NEDD4: variants seen among roughly 807,000 people sequenced by gnomAD.
NEDD4 encodes the protein NEDD4 E3 ubiquitin protein ligase, also known as E3 ubiquitin-protein ligase NEDD4.
In NEDD4, 99 loss-of-function variants were observed where a neutral mutation model predicts 144.9. The ratio of observed to expected loss-of-function variants is 0.68; its 90% confidence interval spans 0.58 to 0.81. The LOEUF is 0.81. NEDD4 is among the 30% of genes least tolerant of loss of function. The pLI, the probability that NEDD4 is intolerant of heterozygous loss-of-function variation, is 0.00. For synonymous variants in NEDD4, 318 were observed against 350.6 expected, an observed-to-expected ratio of 0.91 and a Z score of 1.04; for missense variants, 985 against 1,065.9, an observed-to-expected ratio of 0.92 and a Z score of 1.06.
chr15:55,904,588 C>G (rs1246084227), intron 5 of NEDD4, among the ~76,000 whole-genome samples: 1 of 152,136 alleles, frequency 6.6e-6, no homozygotes, highest in Admixed American at 6.5e-5. Flanking sequence ...CAGGTGTGAG[C>G]CACCACACCC....
chr15:55,885,795 A>G (rs568352828), intron 5 of NEDD4, among the ~76,000 whole-genome samples: 14 of 152,262 alleles, frequency 9.2e-5, no homozygotes, highest in African/African-American at 2.9e-4. Flanking sequence ...AGAAAAAACT[A>G]TAAAACAACC....
intron 5 of NEDD4, among the ~76,000 whole-genome samples, chr15:55,877,955 G>C (rs1055742632): frequency 2.6e-5 from 4 of 151,562 alleles, no homozygotes; most frequent in Admixed American, 2.6e-4. Context: ...TTACTTTTTG[G>C]CACCACAAAA....
intron 12 of NEDD4, among the ~76,000 whole-genome samples, chr15:55,853,984 C>T (rs559282401): frequency 2.0e-5 from 3 of 151,896 alleles, no homozygotes; most frequent in South Asian, 2.1e-4. Context: ...AGCAAAACTC[C>T]GACTCAAAAT....
At chr15:55,878,874 G>A (rs2035084502) in intron 5 of NEDD4, among the ~76,000 whole-genome samples, 1 of 152,260 alleles carries the variant, frequency 6.6e-6, no homozygotes, top group Admixed American at 6.5e-5. Context: ...CCAGGCTGGG[G>A]TGCAATGGCG....
chr15:55,901,008 TC>T (rs2035898468), intron 5 of NEDD4, among the ~76,000 whole-genome samples: 1 of 152,280 alleles, frequency 6.6e-6, no homozygotes, highest in East Asian at 1.9e-4. Flanking sequence ...TATAATAAAC[TC>T]ATTTAAATAA....
intron 1 of NEDD4, among the ~76,000 whole-genome samples, chr15:55,968,594 A>C (rs2037555971): frequency 6.6e-6 from 1 of 152,210 alleles, no homozygotes; most frequent in African/African-American, 2.4e-5. Flanking sequence ...TAATTAACCT[A>C]GTACAAGATA....
At chr15:55,934,860 CTTTTTTTTTTTTTTTTT>C (rs564385465) in intron 4 of NEDD4, 2 of 80,838 alleles carry the variant, frequency 2.5e-5, no homozygotes, top group Non-Finnish European at 4.3e-5. Flanking sequence ...CAATGTTCTG[CTTTTTTTTTTTTTTTTT>C]TTTTTTTTTG....
chr15:55,834,106 A>G lies in NEDD4; in HGVS notation c.2362T>C (p.Trp788Arg). The G allele has an allele frequency of 6.2e-7, 1 of 1,613,718 alleles. No individual in the cohort carries two copies. Among genetic ancestry groups the G allele is most frequent in the South Asian group, 1.1e-5 (1 of 91,076 alleles). The change falls in exon 26 of 29, where the codon TGG becomes CGG. Residue 788 changes from tryptophan (W) to arginine (R), a missense_variant. Trp to Arg is a moderately radical substitution (Grantham distance 101, BLOSUM62 -3). Coordinates refer to ENST00000435532, the MANE Select transcript of NEDD4 (RefSeq NM_006154.4). ...CGLGDVDVND[W>R]REHTKYKNGY... Reference sequence around the variant, plus strand: ...TTTTTATACTTTGTATGTTCCCTCCAGTCATTCACATCAACATCTCCCAGT... The same window carrying G: ...TTTTTATACTTTGTATGTTCCCTCCGGTCATTCACATCAACATCTCCCAGT...
chr15:55,982,471 C>CA (rs1566977834), intron 1 of NEDD4, among the ~76,000 whole-genome samples: 2 of 151,754 alleles, frequency 1.3e-5, no homozygotes, highest in South Asian at 4.2e-4. Flanking sequence ...GGATGACTCT[C>CA]AAAAAAAGAA....
intron 27 of NEDD4, among the ~76,000 whole-genome samples, chr15:55,830,987 C>T (rs1490920408): frequency 1.3e-5 from 2 of 152,206 alleles, no homozygotes; most frequent in Non-Finnish European, 1.5e-5. Flanking sequence ...GGCATGATCT[C>T]GGCTCAATGC....
At chr15:55,989,817 G>C (rs187790636) in intron 1 of NEDD4, among the ~76,000 whole-genome samples, 1 of 152,234 alleles carries the variant, frequency 6.6e-6, no homozygotes, top group African/African-American at 2.4e-5. Context: ...TTCTAGAGCA[G>C]GGGTCCCCAA....
chr15:55,933,793 G>GT (rs1445758141), intron 4 of NEDD4, among the ~76,000 whole-genome samples: 1 of 152,052 alleles, frequency 6.6e-6, no homozygotes, highest in Non-Finnish European at 1.5e-5. Context: ...TATCATGATT[G>GT]TAAGTTTTCT....
At chr15:55,972,910 G>T (rs1199378726) in intron 1 of NEDD4, among the ~76,000 whole-genome samples, 2 of 152,190 alleles carry the variant, frequency 1.3e-5, no homozygotes, top group African/African-American at 4.8e-5. Flanking sequence ...CAATGATAAA[G>T]GCATCATTTC....
Position 55,920,701 on chromosome 15 carries a change from A to G in NEDD4, c.291+3945T>C, listed in dbSNP as rs74015338. ...AGAGAATTTGCTAGGAAAATGGTACATTTTAAATTTAGTTGTGAGTGCCTC... is the reference window on the plus strand; with the variant it reads ...AGAGAATTTGCTAGGAAAATGGTACGTTTTAAATTTAGTTGTGAGTGCCTC... On this transcript the variant is annotated intron_variant, in intron 5 of 28. Transcript: ENST00000435532. Among the ~76,000 whole-genome samples the G allele has an allele frequency of 4.6e-3, 705 of 152,288 alleles. 3 individuals are homozygous for G. The highest frequency in any genetic ancestry group is 0.016 in the African/African-American group (677 of 41,562).
At chr15:55,847,106 T>TAAC in intron 17 of NEDD4, 72 bp from the exon 18 acceptor site, 1 of 1,050,034 alleles carries the variant, frequency 9.5e-7, no homozygotes, top group Non-Finnish European at 1.4e-6. Context: ...TTATTTGTTG[T>TAAC]ATTTTATGAA....
At chr15:55,931,005 T>C (rs1321610111) in intron 4 of NEDD4, among the ~76,000 whole-genome samples, 2 of 152,086 alleles carry the variant, frequency 1.3e-5, no homozygotes, top group Non-Finnish European at 1.5e-5. Flanking sequence ...AAACTGTACA[T>C]ACAAGGCATA....
intron 18 of NEDD4, among the ~76,000 whole-genome samples, chr15:55,845,015 A>T (rs1465097396): frequency 6.6e-6 from 1 of 152,056 alleles, no homozygotes; most frequent in African/African-American, 2.4e-5. Flanking sequence ...ACATGTTCTT[A>T]CATTCTAAGT....
intron 5 of NEDD4, among the ~76,000 whole-genome samples, chr15:55,921,225 A>G (rs1282114756): frequency 2.0e-5 from 3 of 152,248 alleles, no homozygotes; most frequent in South Asian, 2.1e-4. Context: ...GTATTTTTAG[A>G]AGGATTGAAT....
chr15:55,945,945 T>G (rs760221723), intron 4 of NEDD4, among the ~76,000 whole-genome samples: 10 of 151,062 alleles, frequency 6.6e-5, no homozygotes, highest in Non-Finnish European at 4.5e-5. Context: ...AAACCCTTTA[T>G]AGACAAGCTG....
Sources: gnomAD v4.1 joint callset for allele counts (sites outside exome capture counted in the v4.1 genomes callset) on GRCh38, gnomAD v4.1.1 for gene constraint, MANE v1.5 for transcripts, NCBI Gene and HGNC (gene_info 2026-07-23, HGNC 2026-07-21) for gene names.